The following FYB2 variants were observed in gnomAD, a reference collection of about 807,000 sequenced individuals.
FYB2 encodes the protein FYN-binding protein 2.
In FYB2, 103 loss-of-function variants were observed where a neutral mutation model predicts 94.1. That is an observed-to-expected ratio of 1.09 (90% confidence interval 0.93 to 1.29). The LOEUF is 1.29. FYB2 is among the 50% of genes most tolerant of loss of function. FYB2 has a pLI of 0.00. For missense variants in FYB2, 896 were observed against 841.5 expected (o/e 1.06, Z -0.80); for synonymous variants, 293 against 287.9 (o/e 1.02, Z -0.18).
chr1:56,783,923 A>T (rs1646069645), intron 4 of FYB2, among the ~76,000 whole-genome samples: 1 of 152,138 alleles, frequency 6.6e-6, no homozygotes, highest in Non-Finnish European at 1.5e-5. Context: ...CTGGGAGGTT[A>T]CATAACAGCT....
At chr1:56,773,679 A>G (rs1316734488) in intron 4 of FYB2, among the ~76,000 whole-genome samples, 2 of 152,198 alleles carry the variant, frequency 1.3e-5, no homozygotes, top group Non-Finnish European at 2.9e-5. Context: ...AGATCTAAAG[A>G]AGAGCTTTCA....
chr1:56,746,325 G>C (rs1191651338), intron 9 of FYB2, among the ~76,000 whole-genome samples: 1 of 151,890 alleles, frequency 6.6e-6, no homozygotes, highest in Non-Finnish European at 1.5e-5. Context: ...AGTGTTTACT[G>C]ATATTTTTAA....
intron 15 of FYB2, among the ~76,000 whole-genome samples, chr1:56,733,762 A>G (rs993132858): frequency 1.3e-5 from 2 of 152,134 alleles, no homozygotes; most frequent in African/African-American, 4.8e-5. Context: ...ATTTGATTGT[A>G]CTGTGGTCTG....
chr1:56,792,376 A>T lies in FYB2; in HGVS notation c.437T>A (p.Val146Asp). The stretch of plus-strand genomic sequence containing the variant: ...AGACATTTCACTTTTCTGAGATGAA[A>T]CCTTCTCCCAGTTCCAGAGTTTGTT... Reference protein sequence around the residue: ...FRNKLWNWEKVSSQKSEMSSA... With the variant: ...FRNKLWNWEKDSSQKSEMSSA... Residue 146 changes from valine to aspartate, a missense_variant, in exon 2 of 20, where the codon GTT (valine) becomes GAT (aspartate). By Grantham distance (152) the Val-to-Asp change is radical. Transcript: ENST00000343433. 1 of 1,613,882 alleles carries T rather than the reference A, an allele frequency of 6.2e-7. No homozygotes were observed. The highest frequency in any genetic ancestry group is 1.6e-4 in the Middle Eastern group (1 of 6,062).
At chr1:56,738,858 G>C (rs1190977871) in intron 13 of FYB2, among the ~76,000 whole-genome samples, 1 of 152,062 alleles carries the variant, frequency 6.6e-6, no homozygotes, top group Non-Finnish European at 1.5e-5. Context: ...AAAGGAAATG[G>C]GTAATCCAGG....
chr1:56,741,417 T>C (rs867127512), intron 12 of FYB2, among the ~76,000 whole-genome samples: 15 of 152,086 alleles, frequency 9.9e-5, no homozygotes, highest in Admixed American at 7.2e-4. Context: ...GAAATTCTTA[T>C]CATTGATTTT....
chr1:56,784,622 C>G (rs143549549), intron 4 of FYB2, among the ~76,000 whole-genome samples: 15 of 152,286 alleles, frequency 9.8e-5, no homozygotes, highest in African/African-American at 3.6e-4. Flanking sequence ...TAATTTTATA[C>G]ATTAGAATAT....
At chr1:56,804,785 C>T (rs996060856) in intron 1 of FYB2, among the ~76,000 whole-genome samples, 2 of 152,044 alleles carry the variant, frequency 1.3e-5, no homozygotes, top group Non-Finnish European at 2.9e-5. Context: ...TTCAATCACG[C>T]CACTCCTCTG....
chr1:56,784,061 A>G (rs1249062904), intron 4 of FYB2, among the ~76,000 whole-genome samples: 2 of 152,220 alleles, frequency 1.3e-5, no homozygotes, highest in Non-Finnish European at 2.9e-5. Flanking sequence ...TCACAAAAGT[A>G]GAAACTGAGT....
intron 14 of FYB2, among the ~76,000 whole-genome samples, chr1:56,738,121 G>A (rs967641905): frequency 4.6e-5 from 7 of 151,994 alleles, no homozygotes; most frequent in East Asian, 1.9e-4. Flanking sequence ...GTCAAGCACC[G>A]TGCTAATTTA....
chr1:56,804,281 C>G (rs190580492), intron 1 of FYB2, among the ~76,000 whole-genome samples: 56 of 152,290 alleles, frequency 3.7e-4, no homozygotes, highest in Non-Finnish European at 6.8e-4. Context: ...TGAAAATTTG[C>G]TCCTAGTAAT....
intron 8 of FYB2, among the ~76,000 whole-genome samples, 197 bp from the exon 9 acceptor site, chr1:56,751,400 G>T (rs141519814): frequency 1.1e-3 from 171 of 152,088 alleles, no homozygotes; most frequent in African/African-American, 4.1e-3. Flanking sequence ...AATGTTCAAT[G>T]AATGCCTGGC....
Position 56,751,043 on chromosome 1 carries a change from C to T in FYB2, c.1387+1G>A. On this transcript the variant is annotated splice_donor_variant, in intron 9 of 19. Coordinates refer to ENST00000343433, the MANE Select transcript of FYB2 (RefSeq NM_001004303.5). LOFTEE classifies it high-confidence loss of function. ...GAAGATCAGAAAGAAATGCAACTTA[C>T]AGTGGCCTTGGGAGTGCCTGGCCAG... 2 of 1,610,472 alleles carry T rather than the reference C, an allele frequency of 1.2e-6. No homozygotes were observed. Among genetic ancestry groups the T allele is most frequent in the Non-Finnish European group, 1.7e-6 (2 of 1,177,956 alleles).
intron 1 of FYB2, among the ~76,000 whole-genome samples, chr1:56,804,596 G>A (rs1396681104): frequency 3.3e-5 from 5 of 152,024 alleles, no homozygotes; most frequent in Non-Finnish European, 7.4e-5. Context: ...TGGGCATGAC[G>A]GTACATGCAT....
intron 15 of FYB2, among the ~76,000 whole-genome samples, chr1:56,730,829 G>A (rs12747503): frequency 6.6e-6 from 1 of 151,862 alleles, no homozygotes; most frequent in African/African-American, 2.4e-5. Flanking sequence ...ACAAGGATAC[G>A]AAAAAGAAAA....
At chr1:56,817,302 G>C (rs1176795961) in intron 1 of FYB2, among the ~76,000 whole-genome samples, 1 of 152,164 alleles carries the variant, frequency 6.6e-6, no homozygotes, top group Non-Finnish European at 1.5e-5. Context: ...TTACTTCTCT[G>C]TAGAATGTTC....
chr1:56,779,609 A>G (rs1275779749), intron 4 of FYB2, among the ~76,000 whole-genome samples: 2 of 152,232 alleles, frequency 1.3e-5, no homozygotes, highest in Non-Finnish European at 2.9e-5. Flanking sequence ...TTTTATTTAC[A>G]TAAAAGCTAG....
At chr1:56,723,706 T>C (rs770132306) in intron 16 of FYB2, 25 bp from the exon 17 acceptor site, 3 of 1,311,350 alleles carry the variant, frequency 2.3e-6, no homozygotes, top group Non-Finnish European at 3.3e-6. Context: ...GCAGGTAGGG[T>C]AAAACGTACT....
chr1:56,734,642 A>G (rs187746655), intron 15 of FYB2, among the ~76,000 whole-genome samples: 57 of 152,134 alleles, frequency 3.7e-4, no homozygotes, highest in South Asian at 8.3e-4. Context: ...GGTGGGGAAC[A>G]TCACACACTG....
Sources: allele counts gnomAD v4.1 joint callset (sites outside exome capture counted in the v4.1 genomes callset), GRCh38; gene constraint gnomAD v4.1.1; transcripts MANE v1.5; gene names NCBI Gene and HGNC (gene_info 2026-07-23, HGNC 2026-07-21).